The following CDYL2 variants were observed in gnomAD, a reference collection of about 807,000 sequenced individuals.
CDYL2 encodes chromodomain Y-like protein 2.
A neutral mutation model predicts 49.4 loss-of-function variants in CDYL2; 23 were observed. That is an observed-to-expected ratio of 0.47 (90% CI 0.34 to 0.66). The LOEUF (loss-of-function observed/expected upper bound fraction) is 0.66. CDYL2 is among the 30% of genes least tolerant of loss of function. The pLI is 0.01. For missense variants in CDYL2, 678 were observed against 656.4 expected, an observed-to-expected ratio of 1.03 and a Z score of -0.36; for synonymous variants, 360 against 268.8, an observed-to-expected ratio of 1.34 and a Z score of -3.32.
chr16:80,736,325 G>A (rs1017253187), intron 1 of CDYL2: 1 of 152,230 alleles, frequency 6.6e-6, no homozygotes, highest in African/African-American at 2.4e-5. Flanking sequence ...ACTAACACAA[G>A]TGACTCCTTG....
chr16:80,651,816 GCGGTA>G (rs992288729), intron 2 of CDYL2, among the ~76,000 whole-genome samples: 3 of 152,134 alleles, frequency 2.0e-5, no homozygotes, highest in African/African-American at 7.2e-5. Flanking sequence ...GATTCCCATG[GCGGTA>G]GGGGCTAACA....
At chr16:80,778,194 C>A (rs1299100138) in intron 1 of CDYL2, among the ~76,000 whole-genome samples, 1 of 151,886 alleles carries the variant, frequency 6.6e-6, no homozygotes, top group African/African-American at 2.4e-5. Context: ...ATATCAATAG[C>A]CACTTCTTTA....
At chr16:80,622,014 C>G (rs138505620) in intron 3 of CDYL2, among the ~76,000 whole-genome samples, 52 of 152,320 alleles carry the variant, frequency 3.4e-4, no homozygotes, top group African/African-American at 1.2e-3. Context: ...GACCAGGAAA[C>G]AGATGCCTAG....
Position 80,612,483 on chromosome 16 carries a change from G to T in CDYL2, c.1218+143C>A. 1 of 726,284 alleles carries T rather than the reference G, an allele frequency of 1.4e-6. No individual in the cohort carries two copies. The allele number at this position is 726,284 out of a possible 1,614,324, so 45.0% of individuals were successfully genotyped here. On this transcript the variant is annotated intron_variant, in intron 5 of 6. Coordinates refer to ENST00000570137, the MANE Select transcript of CDYL2 (RefSeq NM_152342.4). The surrounding 1 kb of genome is among the most constrained non-coding windows in gnomAD (Gnocchi z 5.0). ...AGGCCGGGCTACTCCATCTGGCACTGAAGGTGTGAAGGACATGAGGCAGCC... is the reference window on the plus strand; with the variant it reads ...AGGCCGGGCTACTCCATCTGGCACTTAAGGTGTGAAGGACATGAGGCAGCC...
intron 1 of CDYL2, among the ~76,000 whole-genome samples, chr16:80,760,353 G>A (rs73595165): frequency 1.7e-3 from 252 of 152,324 alleles, no homozygotes; most frequent in African/African-American, 5.8e-3. Context: ...TGGGGGGTTG[G>A]AGGGGAGATG....
intron 2 of CDYL2, chr16:80,670,978 C>T (rs1467813125): frequency 4.4e-6 from 2 of 456,020 alleles, no homozygotes; most frequent in African/African-American, 2.0e-5. Flanking sequence ...AAGAAGGCTG[C>T]CTCAGGATTT....
intron 1 of CDYL2, among the ~76,000 whole-genome samples, chr16:80,737,066 T>C (rs780946327): frequency 1.3e-5 from 2 of 152,190 alleles, no homozygotes; most frequent in Non-Finnish European, 2.9e-5. Flanking sequence ...AGAATTTGCT[T>C]CATGCCCCCT....
intron 1 of CDYL2, among the ~76,000 whole-genome samples, chr16:80,780,362 C>T (rs1907222661): frequency 6.7e-6 from 1 of 149,554 alleles, no homozygotes; most frequent in Admixed American, 6.7e-5. Flanking sequence ...ATATGCAAGG[C>T]TGTACATGAG....
chr16:80,605,830 C>T (rs1026881383), intron 6 of CDYL2, among the ~76,000 whole-genome samples: 2 of 152,190 alleles, frequency 1.3e-5, no homozygotes, highest in South Asian at 4.1e-4. Context: ...CTTTCATTTA[C>T]TTCTCATGAT....
Position 80,608,126 on chromosome 16 carries a change from A to G in CDYL2, c.1328T>C (p.Leu443Pro). 6.2e-7 allele frequency: 1 copy of G among 1,603,854 alleles called. No individual in the cohort carries two copies. Among genetic ancestry groups the G allele is most frequent in the Non-Finnish European group, 8.5e-7 (1 of 1,175,324 alleles). The change falls in exon 6 of 7, where the codon CTG (leucine) becomes CCG (proline). Residue 443 changes from leucine to proline, a missense_variant. Transcript: ENST00000570137. ...GCAGGATGCCATCTCCTTGACCCGC[A>G]GCATGACCTCCTGGCTGAACGTGGT... ...WPTTFSQEVM[L>P]RVKEMASCSA...
chr16:80,733,052 C>T (rs968736908), intron 1 of CDYL2, among the ~76,000 whole-genome samples: 1 of 152,214 alleles, frequency 6.6e-6, no homozygotes, highest in Non-Finnish European at 1.5e-5. Flanking sequence ...GTTATAGCAA[C>T]AAGCCAATGT....
At chr16:80,803,996 C>T (rs1908016004) in intron 1 of CDYL2, among the ~76,000 whole-genome samples, 154 bp downstream of exon 1, 1 of 137,848 alleles carries the variant, frequency 7.3e-6, no homozygotes, top group Non-Finnish European at 1.6e-5. Context: ...GCGCGCCCGG[C>T]CCCCGCCACC....
At chr16:80,715,870 T>G (rs1904781352) in intron 1 of CDYL2, among the ~76,000 whole-genome samples, 1 of 152,162 alleles carries the variant, frequency 6.6e-6, no homozygotes, top group Non-Finnish European at 1.5e-5. Context: ...GGAAAGTCCT[T>G]TCATTCCCCA....
chr16:80,745,596 G>A (rs116461990), intron 1 of CDYL2, among the ~76,000 whole-genome samples: 238 of 152,262 alleles, frequency 1.6e-3, no homozygotes, highest in African/African-American at 5.3e-3. Flanking sequence ...TGTACTGTAG[G>A]AACACAGTGA....
At position 80,633,109 on chromosome 16, in the gene CDYL2, C is replaced by T; in HGVS notation, c.744G>A (p.Arg248=). Residue 248 remains arginine, a synonymous_variant, in exon 3 of 7, where the codon CGG becomes CGA. Coordinates refer to ENST00000570137, the MANE Select transcript of CDYL2 (RefSeq NM_152342.4). ...CCTTCCGCACAACGATGTCTCGAAACCGACAGTTGCTTTCATTCTGGCGGA... is the reference window on the plus strand; with the variant it reads ...CCTTCCGCACAACGATGTCTCGAAATCGACAGTTGCTTTCATTCTGGCGGA... The part of the protein sequence containing the change: ...YSVRQNESNC[R]FRDIVVRKEE... The T allele has an allele frequency of 6.2e-7, 1 of 1,614,180 alleles. No individual in the cohort carries two copies. Among genetic ancestry groups the T allele is most frequent in the East Asian group, 2.2e-5 (1 of 44,892 alleles).
At chr16:80,674,526 G>C (rs1457542470) in intron 2 of CDYL2, among the ~76,000 whole-genome samples, 1 of 152,000 alleles carries the variant, frequency 6.6e-6, no homozygotes, top group Non-Finnish European at 1.5e-5. Flanking sequence ...AGTGTGACTT[G>C]CAGAGTTGTG....
Position 80,697,703 on chromosome 16 carries a change from T to G in CDYL2, c.25-12574A>C, listed in dbSNP as rs546195907. Among the ~76,000 whole-genome samples the G allele has an allele frequency of 1.6e-3, 249 of 152,236 alleles. 1 individual carries two copies. Among genetic ancestry groups the G allele is most frequent in the African/African-American group, 5.8e-3 (243 of 41,550 alleles). On this transcript the variant is annotated intron_variant, in intron 1 of 6. Coordinates refer to ENST00000570137, the MANE Select transcript of CDYL2 (RefSeq NM_152342.4). Reference sequence around the variant, plus strand: ...GACTCCACCAAAAACCTCTTAGAACTGATGATTCAGTAAAGTTGCAGGATA... The same window carrying G: ...GACTCCACCAAAAACCTCTTAGAACGGATGATTCAGTAAAGTTGCAGGATA...
intron 1 of CDYL2, among the ~76,000 whole-genome samples, chr16:80,694,718 C>T (rs1256932134): frequency 6.6e-6 from 1 of 152,124 alleles, no homozygotes; most frequent in Non-Finnish European, 1.5e-5. Flanking sequence ...ATGAGCACAT[C>T]CAGCAACACA....
At chr16:80,641,794 G>A (rs1016044589) in intron 2 of CDYL2, among the ~76,000 whole-genome samples, 5 of 150,982 alleles carry the variant, frequency 3.3e-5, no homozygotes, top group East Asian at 3.9e-4. Context: ...TATACCTAAC[G>A]CTAAATGACG....
Sources: gnomAD v4.1 joint callset for allele counts (sites outside exome capture counted in the v4.1 genomes callset) on GRCh38, gnomAD v4.1.1 for gene constraint, Gnocchi (gnomAD v3.1) non-coding constraint, MANE v1.5 for transcripts, NCBI Gene and HGNC (gene_info 2026-07-23, HGNC 2026-07-21) for gene names.